Variants in IFT140 observed in about 807,000 individuals in gnomAD.
The protein encoded by IFT140 is intraflagellar transport protein 140 homolog.
Under a neutral mutation model 164.6 loss-of-function variants are expected in IFT140, and 133 were observed. That is an observed-to-expected ratio of 0.81 (90% CI 0.70 to 0.93). The LOEUF (loss-of-function observed/expected upper bound fraction) is 0.93. Ranked by LOEUF, IFT140 falls within the 40% of genes least tolerant of loss-of-function variation. IFT140 has a pLI of 0.00. For missense variants in IFT140, 2,045 were observed against 1,972.3 expected (o/e 1.04, Z -0.70); for synonymous variants, 860 against 817.3 (o/e 1.05, Z -0.89).
intron 19 of IFT140, chr16:1,554,940 G>A (rs768502475): frequency 1.2e-6 from 2 of 1,614,118 alleles, no homozygotes; most frequent in East Asian, 2.2e-5. Flanking sequence ...GGACTGCATG[G>A]CCCCCCGGGT....
intron 29 of IFT140, among the ~76,000 whole-genome samples, chr16:1,519,061 T>C (rs2141138530): frequency 6.6e-6 from 1 of 152,312 alleles, no homozygotes; most frequent in East Asian, 1.9e-4. Flanking sequence ...CGTCCTGTGC[T>C]ATCCCTGATG....
At chr16:1,557,231 A>G (rs1440557777) in intron 19 of IFT140, among the ~76,000 whole-genome samples, 2 of 152,208 alleles carry the variant, frequency 1.3e-5, no homozygotes, top group Non-Finnish European at 1.5e-5. Flanking sequence ...TGTCCGGTGC[A>G]TGTGCAAACC....
chr16:1,592,559 G>A lies in IFT140; in HGVS notation c.399C>T (p.Asp133=). Residue 133 remains aspartate, a synonymous_variant, in exon 5 of 31, where the codon GAC becomes GAT. Transcript: ENST00000426508. ...GCGTCCCTTGCACTCGGCCCCTTTG[G>A]TCCAACCTCCACAAGAGCAAGACAC... ...RLGVLLLWRL[D]QRGRVQGTPL... 15 of 1,614,168 alleles carry A rather than the reference G, an allele frequency of 9.3e-6. No homozygotes were observed. Among genetic ancestry groups the A allele is most frequent in the African/African-American group, 1.3e-5 (1 of 75,036 alleles).
intron 9 of IFT140, among the ~76,000 whole-genome samples, 183 bp from the exon 10 acceptor site, chr16:1,586,458 T>C (rs1035341855): frequency 6.6e-6 from 1 of 151,370 alleles, no homozygotes; most frequent in South Asian, 2.1e-4. Context: ...ACAGTGCCAG[T>C]GCGGGGGTGG....
intron 19 of IFT140, chr16:1,542,120 TG>T: frequency 6.6e-7 from 1 of 1,522,442 alleles, no homozygotes. Flanking sequence ...TTGCCCCCTG[TG>T]GCCTTCTGGT....
chr16:1,532,786 A>C (rs536647054), intron 19 of IFT140: 1 of 152,352 alleles, frequency 6.6e-6, no homozygotes, highest in African/African-American at 2.4e-5. Context: ...GTGTCTGCCC[A>C]GCTGGGCAGA....
chr16:1,584,155 C>A, intron 11 of IFT140, 62 bp downstream of exon 11: 2 of 1,489,920 alleles, frequency 1.3e-6, no homozygotes, highest in Non-Finnish European at 1.8e-6. Flanking sequence ...CTGCCCTGAA[C>A]TACCTGGCCA....
intron 4 of IFT140, among the ~76,000 whole-genome samples, chr16:1,598,409 G>C (rs538699506): frequency 6.6e-6 from 1 of 152,170 alleles, no homozygotes; most frequent in African/African-American, 2.4e-5. Flanking sequence ...AGGGAGCCGA[G>C]ATGGCGCCAC....
At chr16:1,569,428 C>T (rs1442683050) in intron 14 of IFT140, among the ~76,000 whole-genome samples, 7 of 151,084 alleles carry the variant, frequency 4.6e-5, no homozygotes, top group Non-Finnish European at 1.0e-4. Flanking sequence ...TCTTTCCTTC[C>T]TCCCTCCCTC....
intron 4 of IFT140, among the ~76,000 whole-genome samples, chr16:1,594,894 G>A (rs2035375350): frequency 1.3e-5 from 2 of 152,238 alleles, no homozygotes; most frequent in Non-Finnish European, 2.9e-5. Context: ...TCTTCCCACC[G>A]CCTTTTCAGG....
rs1330266007 is a variant in IFT140 at position 1,589,745 on chromosome 16, T to C, written c.670A>G (p.Thr224Ala). Residue 224 changes from threonine to alanine, a missense_variant, in exon 7 of 31, where the codon ACT becomes GCT. Coordinates refer to ENST00000426508, the MANE Select transcript of IFT140 (RefSeq NM_014714.4). ...VHYVDEKGKT[T>A]QVVSADSTIQ... ...GTGCTGTCTGCGGACACCACCTGAG[T>C]GGTCTTGCCCTTCTCATCCACATAG... 1.2e-6 allele frequency: 2 copies of C among 1,614,126 alleles called. No homozygotes were observed. Among genetic ancestry groups the C allele is most frequent in the Non-Finnish European group, 1.7e-6 (2 of 1,180,008 alleles).
At chr16:1,579,654 A>G (rs2034452638) in intron 13 of IFT140, 1 of 152,188 alleles carries the variant, frequency 6.6e-6, no homozygotes, top group Non-Finnish European at 1.5e-5. Flanking sequence ...GGGGCAGTGG[A>G]TGCCTGACTT....
Position 1,525,209 on chromosome 16 carries a change from C to T in IFT140, c.2864+22G>A, listed in dbSNP as rs779513132. 3.2e-6 allele frequency: 5 copies of T among 1,581,752 alleles called. No individual in the cohort carries two copies. In the Admixed American group the frequency reaches 5.0e-5, roughly 16 times the overall value. ...CCTCCAGGATGGAGTGCGGTCCCAC[C>T]AGCCCTGGTGGGGACACTCACTTAT... On this transcript the variant is annotated intron_variant, in intron 22 of 30. Coordinates refer to ENST00000426508, the MANE Select transcript of IFT140 (RefSeq NM_014714.4).
chr16:1,590,062 G>A (rs541016837), intron 6 of IFT140, among the ~76,000 whole-genome samples: 4 of 152,088 alleles, frequency 2.6e-5, no homozygotes, highest in Admixed American at 6.5e-5. Flanking sequence ...CCAGGCGGGC[G>A]TGGTGGTATG....
Position 1,592,332 on chromosome 16 carries a change from C to G in IFT140, c.492-14G>C. On this transcript the variant is annotated splice_polypyrimidine_tract_variant and intron_variant, in intron 5 of 30. Coordinates refer to ENST00000426508, the MANE Select transcript of IFT140 (RefSeq NM_014714.4). ...TGAACCAGGTCCCTGAAAGCAAACA[C>G]GACACGAAGCAAGATTCTTCTGCCA... is the stretch of plus-strand genomic sequence containing the variant. The G allele has an allele frequency of 3.7e-6, 6 of 1,614,046 alleles. No homozygotes were observed. The highest frequency in any genetic ancestry group is 5.1e-6 in the Non-Finnish European group (6 of 1,179,968).
chr16:1,578,691 C>T (rs2034399399), intron 13 of IFT140, among the ~76,000 whole-genome samples: 2 of 152,132 alleles, frequency 1.3e-5, no homozygotes, highest in South Asian at 4.1e-4. Flanking sequence ...ACCAGCCTAG[C>T]CAATGTGGTG....
At chr16:1,550,271 T>C (rs74605356) in intron 19 of IFT140, among the ~76,000 whole-genome samples, 8,205 of 152,280 alleles carry the variant, frequency 0.054, 442 homozygotes, top group Admixed American at 0.17. Flanking sequence ...ACAGTGTTCT[T>C]GGAAGCAGAC....
chr16:1,582,946 T>C (rs796403303), intron 12 of IFT140, among the ~76,000 whole-genome samples: 1 of 152,164 alleles, frequency 6.6e-6, no homozygotes, highest in South Asian at 2.1e-4. Context: ...GTGTTTGAGA[T>C]TAACGGAGCA....
intron 2 of IFT140, 132 bp from the exon 3 acceptor site, chr16:1,607,429 TG>T: frequency 1.3e-6 from 1 of 743,346 alleles, no homozygotes; most frequent in Non-Finnish European, 2.1e-6. Context: ...GAAAATGCCT[TG>T]CGGACTGAGC....
Sources: allele counts gnomAD v4.1 joint callset (sites outside exome capture counted in the v4.1 genomes callset), GRCh38; gene constraint gnomAD v4.1.1; transcripts MANE v1.5; gene names NCBI Gene and HGNC (gene_info 2026-07-23, HGNC 2026-07-21).